UNC5D: variants seen among roughly 807,000 people sequenced by gnomAD.
The protein encoded by UNC5D is netrin receptor UNC5D.
In UNC5D, 39 loss-of-function variants were observed where a neutral mutation model predicts 105.4. That is an observed-to-expected ratio of 0.37 (90% CI 0.29 to 0.48). UNC5D has a LOEUF of 0.48. Ranked by LOEUF, UNC5D falls within the 20% of genes least tolerant of loss-of-function variation. UNC5D has a pLI of 0.98. For missense variants in UNC5D, 991 were observed against 1,202.4 expected, an observed-to-expected ratio of 0.82 and a Z score of 2.60; for synonymous variants, 452 against 450.4, an observed-to-expected ratio of 1.00 and a Z score of -0.04.
At chr8:35,393,021 A>T (rs768655827) in intron 1 of UNC5D, among the ~76,000 whole-genome samples, 124 of 151,836 alleles carry the variant, frequency 8.2e-4, no homozygotes, top group Non-Finnish European at 1.4e-3. Context: ...ATTTTAGGAA[A>T]CCACTATTCT....
intron 1 of UNC5D, among the ~76,000 whole-genome samples, chr8:35,309,019 C>T (rs976442763): frequency 1.3e-5 from 2 of 152,046 alleles, no homozygotes; most frequent in African/African-American, 4.8e-5. Flanking sequence ...CCATTGCTTA[C>T]CATTTGCCTT....
intron 1 of UNC5D, among the ~76,000 whole-genome samples, chr8:35,403,503 C>G (rs1035948552): frequency 6.6e-6 from 1 of 152,192 alleles, no homozygotes; most frequent in East Asian, 1.9e-4. Flanking sequence ...TTGTGTGTTC[C>G]TTACCTAAAA....
intron 7 of UNC5D, 101 bp from the exon 8 acceptor site, chr8:35,705,828 G>A: frequency 1.5e-6 from 1 of 650,548 alleles, no homozygotes; most frequent in African/African-American, 1.9e-5. Context: ...TGGAGAAAAT[G>A]TTTTATTTAT....
chr8:35,551,263 A>T (rs1010152594), intron 2 of UNC5D, among the ~76,000 whole-genome samples: 1 of 152,232 alleles, frequency 6.6e-6, no homozygotes, highest in Non-Finnish European at 1.5e-5. Context: ...TAATTGCATT[A>T]ACAAGGATAA....
intron 3 of UNC5D, among the ~76,000 whole-genome samples, chr8:35,569,255 CCCCATAAAA>C (rs1563544741): frequency 6.6e-6 from 1 of 152,158 alleles, no homozygotes; most frequent in Non-Finnish European, 1.5e-5. Flanking sequence ...CTCCATGGAT[CCCCATAAAA>C]CCTCTTTTGT....
chr8:35,305,045 G>A (rs4739399), intron 1 of UNC5D, among the ~76,000 whole-genome samples: 69,639 of 151,818 alleles, frequency 0.46, 16,472 homozygotes, highest in East Asian at 0.7. Flanking sequence ...TTCCATGATC[G>A]TCCAGCTTTA....
At chr8:35,237,769 T>TG (rs1016492506) in intron 1 of UNC5D, among the ~76,000 whole-genome samples, 13 of 152,314 alleles carry the variant, frequency 8.5e-5, no homozygotes, top group South Asian at 4.1e-4. Flanking sequence ...TTTTACATTC[T>TG]GGGGCATGAG....
rs139114769 is a variant in UNC5D, at chr8:35,638,764, C to T, written c.570+43107C>T. The stretch of plus-strand genomic sequence containing the variant: ...ATAGTGAGCCGTGATCCTGCCACTG[C>T]ACTCCAGCCTGGGTGATAAAGCAAT... On this transcript the variant is annotated intron_variant, in intron 4 of 16. Coordinates refer to ENST00000404895, the MANE Select transcript of UNC5D (RefSeq NM_080872.4). Among the ~76,000 whole-genome samples, 486 of 152,176 alleles carry T rather than the reference C, an allele frequency of 3.2e-3. 3 individuals are homozygous for T. The highest frequency in any genetic ancestry group is 0.01 in the African/African-American group (426 of 41,526).
intron 11 of UNC5D, among the ~76,000 whole-genome samples, chr8:35,734,757 G>A (rs1337095163): frequency 2.0e-5 from 3 of 150,538 alleles, no homozygotes; most frequent in Non-Finnish European, 4.4e-5. Context: ...TTGAGGGAGG[G>A]GAAATTTTAT....
chr8:35,340,939 A>G (rs1811414471), intron 1 of UNC5D, among the ~76,000 whole-genome samples: 1 of 152,172 alleles, frequency 6.6e-6, no homozygotes, highest in South Asian at 2.1e-4. Context: ...TTAATCTTTC[A>G]TACTTTAAAA....
chr8:35,717,364 G>A (rs1828312089), intron 8 of UNC5D, among the ~76,000 whole-genome samples: 1 of 152,110 alleles, frequency 6.6e-6, no homozygotes. Flanking sequence ...TTTTAGAGGG[G>A]AGTTATGTAA....
intron 1 of UNC5D, among the ~76,000 whole-genome samples, chr8:35,449,804 G>T (rs1435847730): frequency 6.6e-6 from 1 of 152,034 alleles, no homozygotes; most frequent in Non-Finnish European, 1.5e-5. Context: ...GACCCACAGA[G>T]GCTCCTCTAC....
chr8:35,497,690 T>C (rs948614775), intron 1 of UNC5D, among the ~76,000 whole-genome samples: 3 of 149,814 alleles, frequency 2.0e-5, no homozygotes, highest in Non-Finnish European at 3.0e-5. Flanking sequence ...ATGGCCTAGG[T>C]CTGTGCCTTG....
At chr8:35,738,991 T>C (rs1343980193) in intron 11 of UNC5D, among the ~76,000 whole-genome samples, 1 of 152,160 alleles carries the variant, frequency 6.6e-6, no homozygotes, top group Admixed American at 6.5e-5. Context: ...TGGCATTAAT[T>C]AACTCTATAC....
At chr8:35,285,424 A>G (rs1383879871) in intron 1 of UNC5D, among the ~76,000 whole-genome samples, 1 of 152,228 alleles carries the variant, frequency 6.6e-6, no homozygotes, top group African/African-American at 2.4e-5. Context: ...AATTGGTTTC[A>G]GATGAAGCTT....
intron 4 of UNC5D, among the ~76,000 whole-genome samples, chr8:35,636,450 G>A (rs1456187783): frequency 6.6e-6 from 1 of 152,198 alleles, no homozygotes; most frequent in Non-Finnish European, 1.5e-5. Flanking sequence ...CTGGGTGCCT[G>A]TAGAACTCCC....
chr8:35,304,030 TGGATCTCTCCA>T (rs1320490912), intron 1 of UNC5D, among the ~76,000 whole-genome samples: 1 of 152,174 alleles, frequency 6.6e-6, no homozygotes, highest in Non-Finnish European at 1.5e-5. Flanking sequence ...GGGACTCACG[TGGATCTCTCCA>T]TGAGATTTGA....
intron 4 of UNC5D, among the ~76,000 whole-genome samples, chr8:35,615,114 A>G (rs1820955072): frequency 1.4e-5 from 2 of 146,980 alleles, no homozygotes; most frequent in East Asian, 4.1e-4. Context: ...TGGCGCACAC[A>G]TGTAGTTCCA....
chr8:35,513,223 CTT>C (rs35988823), intron 1 of UNC5D, among the ~76,000 whole-genome samples: 99 of 134,098 alleles, frequency 7.4e-4, no homozygotes, highest in African/African-American at 1.8e-3. Flanking sequence ...TTGGACCCTC[CTT>C]TTTTTTTTTT....
Sources: gnomAD v4.1 joint callset for allele counts (sites outside exome capture counted in the v4.1 genomes callset) on GRCh38, gnomAD v4.1.1 for gene constraint, MANE v1.5 for transcripts, NCBI Gene and HGNC (gene_info 2026-07-23, HGNC 2026-07-21) for gene names.